The following MXRA7 variants were observed in gnomAD, a reference collection of about 807,000 sequenced individuals.
The protein encoded by MXRA7 is matrix remodeling associated 7.
A neutral mutation model predicts 17.4 loss-of-function variants in MXRA7; 18 were observed. The observed-to-expected ratio is 1.03, with a 90% CI of 0.71 to 1.53. The LOEUF (loss-of-function observed/expected upper bound fraction) is 1.53, where lower values mean the gene tolerates loss of function less well. Ranked by LOEUF, MXRA7 falls within the 40% of genes most tolerant of loss-of-function variation. MXRA7 has a pLI of 0.00. For missense variants in MXRA7, 141 were observed against 209.3 expected, an observed-to-expected ratio of 0.67 and a Z score of 2.01; for synonymous variants, 70 against 101.7, an observed-to-expected ratio of 0.69 and a Z score of 1.87.
At chr17:76,684,909 G>T (rs1327130408) in intron 3 of MXRA7, among the ~76,000 whole-genome samples, 163 bp downstream of exon 3, 1 of 152,164 alleles carries the variant, frequency 6.6e-6, no homozygotes, top group African/African-American at 2.4e-5. Flanking sequence ...GGGCAGGAAA[G>T]AACTCCTAAA....
At chr17:76,673,862 G>A (rs1247954860) in exon 4 of MXRA7, 1 of 152,208 alleles carries the variant, frequency 6.6e-6, no homozygotes, top group African/African-American at 2.4e-5. Flanking sequence ...GAAGTGGGGA[G>A]CCAGCTAATT....
chr17:76,701,553 G>C (rs1372085491), intron 1 of MXRA7, among the ~76,000 whole-genome samples: 1 of 152,058 alleles, frequency 6.6e-6, no homozygotes, highest in Admixed American at 6.6e-5. Flanking sequence ...GGTGTGTTCT[G>C]GAAGGCAGCA....
At chr17:76,699,411 G>A (rs937012404) in intron 1 of MXRA7, among the ~76,000 whole-genome samples, 1 of 152,182 alleles carries the variant, frequency 6.6e-6, no homozygotes, top group African/African-American at 2.4e-5. Flanking sequence ...TTCCCAAAGT[G>A]CTGGGATTAC....
chr17:76,698,930 A>G lies in MXRA7; in HGVS notation c.343-10754T>C, dbSNP rs112563134. Among the ~76,000 whole-genome samples, 440 of 152,114 alleles carry G rather than the reference A, an allele frequency of 2.9e-3. 2 individuals are homozygous for G. Among genetic ancestry groups the G allele is most frequent in the African/African-American group, 0.01 (425 of 41,480 alleles). On this transcript the variant is annotated intron_variant, in intron 1 of 3. Transcript: ENST00000449428. ...TAGACAGGGTTTCACCATGTTGGCCAGGCTGGTCTTGAACTCCTGACTTCA... is the reference window on the plus strand; with the variant it reads ...TAGACAGGGTTTCACCATGTTGGCCGGGCTGGTCTTGAACTCCTGACTTCA...
chr17:76,677,829 CAAG>C (rs2076253615), downstream of MXRA7: 2 of 655,348 alleles, frequency 3.1e-6, no homozygotes, highest in East Asian at 2.6e-5. Context: ...CTTTTCAGAA[CAAG>C]AAGAAAATGA....
At chr17:76,684,664 C>T (rs1345022793) in intron 3 of MXRA7, 8 of 443,448 alleles carry the variant, frequency 1.8e-5, no homozygotes, top group South Asian at 6.5e-5. Context: ...ACCAAGAATC[C>T]GCTGTGTCCC....
chr17:76,700,210 G>A (rs1047739695), intron 1 of MXRA7, among the ~76,000 whole-genome samples: 1 of 152,168 alleles, frequency 6.6e-6, no homozygotes, highest in Non-Finnish European at 1.5e-5. Flanking sequence ...GACCTCAGGT[G>A]ATCTGCTCGC....
intron 3 of MXRA7, chr17:76,684,721 G>C (rs1407713923): frequency 2.4e-6 from 1 of 425,214 alleles, no homozygotes; most frequent in Non-Finnish European, 4.5e-6. Flanking sequence ...GTGTGTGTGA[G>C]TGACAGCCAG....
At chr17:76,692,259 C>CT (rs569237354) in intron 1 of MXRA7, among the ~76,000 whole-genome samples, 1,988 of 141,176 alleles carry the variant, frequency 0.014, 18 homozygotes, top group African/African-American at 0.029. Context: ...CTGATTTTTT[C>CT]TTTTTTTTTT....
chr17:76,710,336 G>C (rs117044114), intron 1 of MXRA7, among the ~76,000 whole-genome samples: 1 of 152,336 alleles, frequency 6.6e-6, no homozygotes, highest in Non-Finnish European at 1.5e-5. Context: ...CCTGGGCTGG[G>C]AGAGGCCGAG....
chr17:76,701,325 T>C (rs558407060), intron 1 of MXRA7, among the ~76,000 whole-genome samples: 4 of 151,098 alleles, frequency 2.6e-5, no homozygotes, highest in Admixed American at 6.6e-5. Flanking sequence ...AACAAGGACA[T>C]GTCTGGGCTT....
At chr17:76,674,256 G>C (rs541792217) in exon 4 of MXRA7, 1 of 152,142 alleles carries the variant, frequency 6.6e-6, no homozygotes, top group South Asian at 2.1e-4. Context: ...TCTTTCTCTC[G>C]GTGTTTGCGC....
chr17:76,679,302 A>AAAG (rs1330740982), downstream of MXRA7, among the ~76,000 whole-genome samples: 4 of 151,316 alleles, frequency 2.6e-5, no homozygotes, highest in East Asian at 1.9e-4. Context: ...AAAAAAAAAA[A>AAAG]AAGAAGAAGA....
chr17:76,694,634 T>C (rs1313439872), intron 1 of MXRA7, among the ~76,000 whole-genome samples: 1 of 152,150 alleles, frequency 6.6e-6, no homozygotes, highest in Non-Finnish European at 1.5e-5. Flanking sequence ...ACCCAGGCTG[T>C]TGGTAGAGTG....
downstream of MXRA7, among the ~76,000 whole-genome samples, chr17:76,678,808 T>C (rs1302979977): frequency 6.6e-6 from 1 of 152,112 alleles, no homozygotes; most frequent in Non-Finnish European, 1.5e-5. Context: ...ATTCCTTTGC[T>C]TCACCCTTCC....
chr17:76,706,601 G>A, intron 1 of MXRA7, among the ~76,000 whole-genome samples: 1 of 152,220 alleles, frequency 6.6e-6, no homozygotes, highest in East Asian at 1.9e-4. Flanking sequence ...CCACACCTAT[G>A]GTGAACAGGT....
chr17:76,697,356 C>A (rs1043451091), intron 1 of MXRA7, among the ~76,000 whole-genome samples: 2 of 152,186 alleles, frequency 1.3e-5, no homozygotes, highest in Admixed American at 1.3e-4. Flanking sequence ...CTCCAGTCTG[C>A]AGAACTCTGG....
downstream of MXRA7, chr17:76,676,009 C>T (rs2076238104): frequency 6.6e-6 from 1 of 152,234 alleles, no homozygotes; most frequent in Admixed American, 6.5e-5. Context: ...CCCTCCCTAA[C>T]TCAGTTTGCT....
chr17:76,687,659 G>A (rs575505974), intron 2 of MXRA7, among the ~76,000 whole-genome samples: 35 of 152,352 alleles, frequency 2.3e-4, no homozygotes, highest in African/African-American at 8.2e-4. Context: ...GGGGCCTGTG[G>A]CCAGTCAGCC....
Sources: gnomAD v4.1 joint callset for allele counts (sites outside exome capture counted in the v4.1 genomes callset) on GRCh38, gnomAD v4.1.1 for gene constraint, MANE v1.5 for transcripts, NCBI Gene and HGNC (gene_info 2026-07-23, HGNC 2026-07-21) for gene names.